Variants in GALNT2 observed in about 807,000 individuals in gnomAD.
GALNT2 encodes polypeptide N-acetylgalactosaminyltransferase 2.
GALNT2 carries 31 observed loss-of-function variants against 81.4 expected under a neutral mutation model. The ratio of observed to expected loss-of-function variants is 0.38; its 90% CI spans 0.29 to 0.51. The LOEUF (loss-of-function observed/expected upper bound fraction) is 0.51. GALNT2 is among the 20% of genes least tolerant of loss of function. The pLI is 0.87. For missense variants in GALNT2, 629 were observed against 765.7 expected (o/e 0.82, Z 2.11); for synonymous variants, 303 against 287.4 (o/e 1.05, Z -0.55).
At chr1:230,130,355 T>C (rs1224315871) in intron 1 of GALNT2, among the ~76,000 whole-genome samples, 1 of 152,164 alleles carries the variant, frequency 6.6e-6, no homozygotes, top group Non-Finnish European at 1.5e-5. Context: ...GCACTTAGCA[T>C]GGGGTCTGGC....
At chr1:230,078,782 C>T (rs1168781423) in intron 1 of GALNT2, among the ~76,000 whole-genome samples, 1 of 152,166 alleles carries the variant, frequency 6.6e-6, no homozygotes, top group East Asian at 1.9e-4. Context: ...CACCAGAGTT[C>T]ACTGTAGATG....
chr1:230,067,780 C>T (rs1571921788), intron 1 of GALNT2, among the ~76,000 whole-genome samples: 3 of 152,154 alleles, frequency 2.0e-5, no homozygotes, highest in South Asian at 2.1e-4. Flanking sequence ...AGAGAGGCGA[C>T]CGCTTTTCCA....
intron 2 of GALNT2, among the ~76,000 whole-genome samples, chr1:230,200,035 T>C (rs928222561): frequency 2.0e-5 from 3 of 151,876 alleles, no homozygotes; most frequent in Non-Finnish European, 4.4e-5. Context: ...ATACATTTAT[T>C]AGTATGGTCA....
At chr1:230,210,645 C>G (rs1300234067) in intron 3 of GALNT2, among the ~76,000 whole-genome samples, 1 of 152,186 alleles carries the variant, frequency 6.6e-6, no homozygotes, top group Non-Finnish European at 1.5e-5. Flanking sequence ...GTGGCTCACC[C>G]TTTGTTTAGA....
intron 15 of GALNT2, among the ~76,000 whole-genome samples, chr1:230,277,133 G>T (rs1404764753): frequency 6.6e-6 from 1 of 152,166 alleles, no homozygotes; most frequent in Admixed American, 6.5e-5. Flanking sequence ...TAAATAATAA[G>T]TTTTTCTGGA....
intron 1 of GALNT2, among the ~76,000 whole-genome samples, chr1:230,061,058 G>A (rs1187531242): frequency 6.6e-6 from 1 of 152,160 alleles, no homozygotes. Context: ...GTGGAGAATG[G>A]TATTTAGAAA....
chr1:230,229,341 T>C (rs751123774), intron 3 of GALNT2, among the ~76,000 whole-genome samples: 49 of 152,222 alleles, frequency 3.2e-4, no homozygotes, highest in Non-Finnish European at 6.2e-4. Flanking sequence ...TAAGATGATA[T>C]GTGGCCTCTC....
rs954767488 is a variant in GALNT2 at position 230,280,819 on chromosome 1, G to T, written c.*1361G>T. On this transcript the variant is annotated 3_prime_UTR_variant, in exon 16 of 16. Transcript: ENST00000366672. ...CCTGCTCATTTACACTGAGGATTCA[G>T]GGCGGGAGACAGGAGCCTTGGGGTC... 1.3e-5 allele frequency: 2 copies of T among 152,278 alleles called. No homozygotes were observed. The highest frequency in any genetic ancestry group is 2.4e-5 in the African/African-American group (1 of 41,456). The allele number at this position is 152,278 out of a possible 1,614,324, so 9.4% of individuals were successfully genotyped here.
At position 230,130,282 on chromosome 1, in the gene GALNT2, C is replaced by T. The variant is rs541267541; in HGVS notation, c.127-47936C>T. The stretch of plus-strand genomic sequence containing the variant: ...GAGGGATTTCTTCACCTACCCACAG[C>T]GCTGCCGCAGCCAGGCCTCATGATA... On this transcript the variant is annotated intron_variant, in intron 1 of 15. Coordinates refer to ENST00000366672, the MANE Select transcript of GALNT2 (RefSeq NM_004481.5). Among the ~76,000 whole-genome samples the T allele has an allele frequency of 1.4e-4, 21 of 152,340 alleles. No individual in the cohort carries two copies. In the South Asian group the frequency reaches 3.9e-3, roughly 29 times the overall value.
rs202122342 is a variant in GALNT2 at position 230,275,107 on chromosome 1, CACATATATAT to C, written c.1560+557_1560+566del. ...CACATATATATACATGTATACACAC[CACATATATAT>C]ACATATATATACACACCACATATAC... On this transcript the variant is annotated intron_variant, in intron 15 of 15. Coordinates refer to ENST00000366672, the MANE Select transcript of GALNT2 (RefSeq NM_004481.5). This position sits in a 1 kb window ranked among gnomAD's most constrained non-coding sequence, Gnocchi z 5.5. Among the ~76,000 whole-genome samples, 6,438 of 150,488 alleles carry C rather than the reference CACATATATAT, an allele frequency of 0.043. 429 individuals carry two copies. Among genetic ancestry groups the C allele is most frequent in the African/African-American group, 0.14 (5,744 of 40,858 alleles).
intron 1 of GALNT2, among the ~76,000 whole-genome samples, chr1:230,166,596 A>G (rs773704478): frequency 5.9e-5 from 9 of 152,212 alleles, no homozygotes; most frequent in Admixed American, 1.3e-4. Context: ...GCACGCGGAC[A>G]TGTCTTGTCT....
intron 1 of GALNT2, among the ~76,000 whole-genome samples, chr1:230,077,221 C>T (rs1249440032): frequency 2.0e-5 from 3 of 152,138 alleles, no homozygotes; most frequent in African/African-American, 4.8e-5. Context: ...TTCCCCTTGA[C>T]CTAGATGTTG....
chr1:230,169,745 A>T (rs1420912825), intron 1 of GALNT2, among the ~76,000 whole-genome samples: 1 of 152,224 alleles, frequency 6.6e-6, no homozygotes, highest in East Asian at 1.9e-4. Flanking sequence ...TTTTTCTCTG[A>T]GGTTACACAG....
rs568775852 is a variant in GALNT2, at chr1:230,075,344, C to T, written c.126+7938C>T. Reference sequence around the variant, plus strand: ...TTTCACCACCCAGGCTGGTCTCAAACTCCTGACCTCAAGTGATCCACCCAC... The same window carrying T: ...TTTCACCACCCAGGCTGGTCTCAAATTCCTGACCTCAAGTGATCCACCCAC... On this transcript the variant is annotated intron_variant, in intron 1 of 15. Transcript: ENST00000366672. 1.2e-4 allele frequency among the ~76,000 whole-genome samples: 18 copies of T among 152,214 alleles called. No individual in the cohort carries two copies. The South Asian group carries it at 2.9e-3, about 25-fold the overall frequency.
intron 3 of GALNT2, among the ~76,000 whole-genome samples, chr1:230,225,552 T>C (rs889994923): frequency 2.6e-5 from 4 of 152,184 alleles, no homozygotes; most frequent in African/African-American, 9.7e-5. Context: ...GTGTTAGGCT[T>C]CATAGTCATG....
In GALNT2 at chr1:230,211,871, C is replaced by T. The variant is rs150717330; in HGVS notation, c.374+8581C>T. ...GTCGTATACCAGTTCCCAGAAGGCT[C>T]GGAACTCAGACCCCACTTCCAGAAA... On this transcript the variant is annotated intron_variant, in intron 3 of 15. Coordinates refer to ENST00000366672, the MANE Select transcript of GALNT2 (RefSeq NM_004481.5). Among the ~76,000 whole-genome samples, 17 of 152,246 alleles carry T rather than the reference C, an allele frequency of 1.1e-4. No individual in the cohort carries two copies. The East Asian group carries it at 2.7e-3, about 24-fold the overall frequency.
At chr1:230,262,117 G>A (rs1280382383) in intron 11 of GALNT2, 1 of 155,994 alleles carries the variant, frequency 6.4e-6, no homozygotes, top group Non-Finnish European at 1.4e-5. Context: ...CTTTAATGCA[G>A]AGCTGTCTGA....
At chr1:230,163,055 TG>T (rs913389846) in intron 1 of GALNT2, among the ~76,000 whole-genome samples, 21 of 152,212 alleles carry the variant, frequency 1.4e-4, no homozygotes, top group Admixed American at 1.2e-3. Context: ...CAGAGGGTGA[TG>T]GGGAAAGTTC....
At chr1:230,194,089 G>T (rs921737182) in intron 2 of GALNT2, among the ~76,000 whole-genome samples, 3 of 152,230 alleles carry the variant, frequency 2.0e-5, no homozygotes, top group African/African-American at 7.2e-5. Flanking sequence ...TCAGAGCCTG[G>T]TGGATGGGTT....
Sources: allele counts gnomAD v4.1 joint callset (sites outside exome capture counted in the v4.1 genomes callset), GRCh38; gene constraint gnomAD v4.1.1; non-coding constraint Gnocchi (gnomAD v3.1); transcripts MANE v1.5; gene names NCBI Gene and HGNC (gene_info 2026-07-23, HGNC 2026-07-21).